The following BMP7 variants were observed in gnomAD, a reference collection of about 807,000 sequenced individuals.
The protein encoded by BMP7 is bone morphogenetic protein 7.
BMP7 carries 12 observed loss-of-function variants against 41.2 expected under a neutral mutation model. That is an observed-to-expected ratio of 0.29 (90% CI 0.19 to 0.47). BMP7 has a LOEUF of 0.47. Ranked by LOEUF, BMP7 falls within the 20% of genes least tolerant of loss-of-function variation. The pLI is 0.99. For missense variants in BMP7, 467 were observed against 606.0 expected, an observed-to-expected ratio of 0.77 and a Z score of 2.41; for synonymous variants, 248 against 250.0, an observed-to-expected ratio of 0.99 and a Z score of 0.07.
intron 3 of BMP7, among the ~76,000 whole-genome samples, chr20:57,191,692 C>T (rs1045836862): frequency 9.4e-5 from 14 of 149,146 alleles, no homozygotes; most frequent in South Asian, 2.1e-4. Flanking sequence ...GATCATGTCA[C>T]GGCGCTCCAG....
At chr20:57,231,129 G>A (rs866989801) in intron 1 of BMP7, among the ~76,000 whole-genome samples, 3 of 152,268 alleles carry the variant, frequency 2.0e-5, no homozygotes, top group Middle Eastern at 6.8e-3. Context: ...GGTTAGCTTC[G>A]CCTGTTTTTG....
In BMP7 at chr20:57,171,493, G is replaced by A. The variant is rs1397255713; in HGVS notation, c.1147-385C>T. 6.6e-6 allele frequency among the ~76,000 whole-genome samples: 1 copy of A among 152,208 alleles called. No individual in the cohort carries two copies. Among genetic ancestry groups the A allele is most frequent in the African/African-American group, 2.4e-5 (1 of 41,458 alleles). On this transcript the variant is annotated intron_variant, in intron 6 of 6. Coordinates refer to ENST00000395863, the MANE Select transcript of BMP7 (RefSeq NM_001719.3). This position sits in a 1 kb window ranked among gnomAD's most constrained non-coding sequence, Gnocchi z 4.5. ...ATGGACTTCTCTGCACCTTACAGAG[G>A]ATGTGGGACAGGGACACATAGACTC...
chr20:57,199,866 G>A (rs1235125230), intron 3 of BMP7, among the ~76,000 whole-genome samples: 1 of 152,220 alleles, frequency 6.6e-6, no homozygotes, highest in African/African-American at 2.4e-5. Context: ...GTCACTGGGC[G>A]GTGGCACCAC....
At chr20:57,209,256 TATA>T (rs1281097761) in intron 2 of BMP7, among the ~76,000 whole-genome samples, 2 of 106,214 alleles carry the variant, frequency 1.9e-5, no homozygotes, top group East Asian at 2.3e-4. Context: ...TTTTTATATA[TATA>T]TATATATATA....
intron 3 of BMP7, among the ~76,000 whole-genome samples, chr20:57,184,927 G>T (rs1003751779): frequency 6.6e-6 from 1 of 152,172 alleles, no homozygotes; most frequent in African/African-American, 2.4e-5. Flanking sequence ...AGACAATAAA[G>T]CCCTATTGTT....
intron 1 of BMP7, among the ~76,000 whole-genome samples, chr20:57,245,493 T>C (rs1047125962): frequency 4.6e-5 from 7 of 151,950 alleles, no homozygotes; most frequent in African/African-American, 1.7e-4. Flanking sequence ...ATTACAGGCA[T>C]GAGGCACCCT....
chr20:57,184,004 C>A lies in BMP7; in HGVS notation c.761-85G>T, dbSNP rs547346979. On this transcript the variant is annotated intron_variant, in intron 3 of 6. Transcript: ENST00000395863. ...AGGGCTGCAGAGATGCTATGCCTCC[C>A]GGTTCATTCATGAACTCCTTATTCC... The A allele has an allele frequency of 3.4e-6, 5 of 1,455,366 alleles. No individual in the cohort carries two copies. In the African/African-American group the frequency reaches 4.2e-5, roughly 12 times the overall value. The allele number at this position is 1,455,366 out of a possible 1,614,324, so 90.2% of individuals were successfully genotyped here.
intron 2 of BMP7, among the ~76,000 whole-genome samples, chr20:57,209,239 T>TATA (rs1984813625): frequency 1.6e-5 from 1 of 63,502 alleles, no homozygotes. Context: ...ATACCTAGAT[T>TATA]TATATATTTT....
rs957775728 is a variant in BMP7 at position 57,224,236 on chromosome 20, C to T, written c.611+3993G>A. ...TGCAGCTGATCCAAATCTTGGCCCT[C>T]GAGACCACGCTGAGGTCACCCTCCT... On this transcript the variant is annotated intron_variant, in intron 2 of 6. Transcript: ENST00000395863. The surrounding 1 kb of genome is among the most constrained non-coding windows in gnomAD (Gnocchi z 4.8). Among the ~76,000 whole-genome samples the T allele has an allele frequency of 5.9e-5, 9 of 152,184 alleles. No homozygotes were observed. Among genetic ancestry groups the T allele is most frequent in the East Asian group, 3.9e-4 (2 of 5,186 alleles).
At chr20:57,250,015 C>T (rs976646110) in intron 1 of BMP7, among the ~76,000 whole-genome samples, 3 of 152,202 alleles carry the variant, frequency 2.0e-5, no homozygotes, top group South Asian at 2.1e-4. Context: ...GACAGACAGA[C>T]TTGCCATCCC....
At chr20:57,200,233 C>A (rs562379487) in intron 3 of BMP7, among the ~76,000 whole-genome samples, 1 of 152,338 alleles carries the variant, frequency 6.6e-6, no homozygotes, top group South Asian at 2.1e-4. Context: ...GAGATGGAAA[C>A]TATTATTAAC....
At chr20:57,265,057 G>GAAAAA (rs35408577) in intron 1 of BMP7, among the ~76,000 whole-genome samples, 8 of 127,972 alleles carry the variant, frequency 6.3e-5, no homozygotes, top group South Asian at 2.2e-4. Context: ...GAAAAGAAAA[G>GAAAAA]AAAAAAAAAG....
chr20:57,211,703 C>G (rs73914168), intron 2 of BMP7, among the ~76,000 whole-genome samples: 4 of 152,150 alleles, frequency 2.6e-5, no homozygotes, highest in Non-Finnish European at 4.4e-5. Flanking sequence ...GCTGTGACAG[C>G]GAAAGCAGGG....
rs1037882911 is a variant in BMP7, at chr20:57,179,481, C to A, written c.958+4241G>T. 2.6e-5 allele frequency among the ~76,000 whole-genome samples: 4 copies of A among 152,258 alleles called. No homozygotes were observed. The East Asian group carries it at 7.7e-4, about 29-fold the overall frequency. On this transcript the variant is annotated intron_variant, in intron 4 of 6. Transcript: ENST00000395863. ...GTGGGGAGAAGGAAGTGCAGGGACC[C>A]AGTTTCTCAACCCCAAACCGCACCA...
At chr20:57,185,246 T>A (rs1485821375) in intron 3 of BMP7, among the ~76,000 whole-genome samples, 1 of 152,212 alleles carries the variant, frequency 6.6e-6, no homozygotes, top group Non-Finnish European at 1.5e-5. Context: ...GGTTTTAACT[T>A]TTTGTTGTGA....
At chr20:57,205,031 A>C (rs546854790) in intron 2 of BMP7, among the ~76,000 whole-genome samples, 1 of 152,302 alleles carries the variant, frequency 6.6e-6, no homozygotes, top group African/African-American at 2.4e-5. Flanking sequence ...GGACACGGCA[A>C]CGAGGTGTCA....
At chr20:57,255,214 C>A (rs2066129523) in intron 1 of BMP7, among the ~76,000 whole-genome samples, 1 of 152,184 alleles carries the variant, frequency 6.6e-6, no homozygotes, top group African/African-American at 2.4e-5. Context: ...AGCTCTGCAC[C>A]CAGCAAGAGC....
At chr20:57,225,386 G>A (rs1985287047) in intron 2 of BMP7, among the ~76,000 whole-genome samples, 1 of 152,190 alleles carries the variant, frequency 6.6e-6, no homozygotes, top group Non-Finnish European at 1.5e-5. Context: ...AAGAGGTCTT[G>A]CTCCACTTCC....
intron 2 of BMP7, among the ~76,000 whole-genome samples, chr20:57,211,958 G>A (rs1293475173): frequency 6.8e-6 from 1 of 147,340 alleles, no homozygotes; most frequent in Admixed American, 6.7e-5. Flanking sequence ...AGCAGCTGGA[G>A]GAATGAATAC....
Sources: allele counts gnomAD v4.1 joint callset (sites outside exome capture counted in the v4.1 genomes callset), GRCh38; gene constraint gnomAD v4.1.1; non-coding constraint Gnocchi (gnomAD v3.1); transcripts MANE v1.5; gene names NCBI Gene and HGNC (gene_info 2026-07-23, HGNC 2026-07-21).